The following WDR27 variants were observed in gnomAD, a reference collection of about 807,000 sequenced individuals.
WDR27 encodes WD repeat domain 27, also known as WD repeat-containing protein 27.
WDR27 carries 100 observed loss-of-function variants against 114.4 expected under a neutral mutation model. The observed-to-expected ratio is 0.87, with a 90% CI of 0.74 to 1.03. The LOEUF (loss-of-function observed/expected upper bound fraction) is 1.03. Ranked by LOEUF, WDR27 falls within the 50% of genes least tolerant of loss-of-function variation. The probability of loss-of-function intolerance (pLI) is 0.00; values close to 1 mark genes in which losing one functional copy is unlikely to be tolerated. For synonymous variants in WDR27, 449 were observed against 423.1 expected (o/e 1.06, Z -0.75); for missense variants, 1,129 against 1,092.9 (o/e 1.03, Z -0.47).
chr6:169,681,333 AATAACAAAAAT>A (rs1781476716), intron 2 of WDR27, among the ~76,000 whole-genome samples: 1 of 152,206 alleles, frequency 6.6e-6, no homozygotes, highest in South Asian at 2.1e-4. Flanking sequence ...ATCTCCCGAC[AATAACAAAAAT>A]TCTGCACCCA....
At chr6:169,435,626 C>A in the WDR27 span, among the ~76,000 whole-genome samples, 1 of 152,216 alleles carries the variant, frequency 6.6e-6, no homozygotes, top group Non-Finnish European at 1.5e-5. Context: ...GGGCCTTTAG[C>A]CCCTTTGTTT....
chr6:169,557,459 C>A (rs1799081103), intron 25 of WDR27, among the ~76,000 whole-genome samples: 1 of 152,182 alleles, frequency 6.6e-6, no homozygotes, highest in Non-Finnish European at 1.5e-5. Flanking sequence ...GGACTGGGGC[C>A]TCTGGCTGTT....
At chr6:169,544,866 T>G (rs1318017939) in intron 25 of WDR27, among the ~76,000 whole-genome samples, 1 of 152,226 alleles carries the variant, frequency 6.6e-6, no homozygotes, top group African/African-American at 2.4e-5. Flanking sequence ...CTATAGTATA[T>G]GCATGCTGAC....
At chr6:169,531,455 G>A (rs1245674496) in intron 25 of WDR27, among the ~76,000 whole-genome samples, 1 of 152,150 alleles carries the variant, frequency 6.6e-6, no homozygotes, top group Non-Finnish European at 1.5e-5. Flanking sequence ...CAATTCAGTA[G>A]TAACTTGTCA....
At chr6:169,465,831 G>C (rs1461071519) in intron 25 of WDR27, among the ~76,000 whole-genome samples, 2 of 152,184 alleles carry the variant, frequency 1.3e-5, no homozygotes, top group African/African-American at 4.8e-5. Flanking sequence ...CAAAATCAGA[G>C]ATACAGGAAG....
chr6:169,626,302 G>A (rs1311232899), intron 21 of WDR27, among the ~76,000 whole-genome samples: 2 of 152,200 alleles, frequency 1.3e-5, no homozygotes, highest in Non-Finnish European at 2.9e-5. Context: ...CACACCCACA[G>A]AGGGTGACAG....
At chr6:169,452,783 A>G (rs180730065), downstream of WDR27, among the ~76,000 whole-genome samples, 15 of 152,380 alleles carry the variant, frequency 9.8e-5, no homozygotes, top group East Asian at 2.9e-3. Flanking sequence ...CAAATCTTGC[A>G]TTTCAGAGAG....
chr6:169,598,396 AC>A (rs776742812), intron 23 of WDR27, among the ~76,000 whole-genome samples: 3 of 152,214 alleles, frequency 2.0e-5, no homozygotes, highest in Non-Finnish European at 2.9e-5. Context: ...ATCACACAGC[AC>A]AAGGTGAAAG....
chr6:169,483,652 C>A, intron 25 of WDR27, among the ~76,000 whole-genome samples: 1 of 152,060 alleles, frequency 6.6e-6, no homozygotes. Flanking sequence ...CCAACTCATT[C>A]TATGATGCCA....
At chr6:169,612,143 C>A (rs541399876) in intron 22 of WDR27, among the ~76,000 whole-genome samples, 1 of 150,560 alleles carries the variant, frequency 6.6e-6, no homozygotes, top group East Asian at 2.0e-4. Flanking sequence ...CTCAAAAAAA[C>A]CAAACAGGCT....
chr6:169,672,089 T>C, intron 3 of WDR27, 166 bp downstream of exon 3: 1 of 617,444 alleles, frequency 1.6e-6, no homozygotes, highest in Non-Finnish European at 2.6e-6. Context: ...ATAAAGCGCC[T>C]GCTTGCATGC....
chr6:169,515,895 A>AT (rs1340939145), intron 25 of WDR27, among the ~76,000 whole-genome samples: 3 of 151,700 alleles, frequency 2.0e-5, no homozygotes, highest in Non-Finnish European at 4.4e-5. Context: ...AGAAAAGTGT[A>AT]TTATGCCCCC....
At chr6:169,533,871 A>G (rs937044955) in intron 25 of WDR27, among the ~76,000 whole-genome samples, 4 of 152,178 alleles carry the variant, frequency 2.6e-5, no homozygotes, top group Non-Finnish European at 5.9e-5. Flanking sequence ...GTGTATGCAT[A>G]CATGTGCCTG....
chr6:169,583,077 A>T (rs1379214985), intron 23 of WDR27, 143 bp from the exon 24 acceptor site: 1 of 669,592 alleles, frequency 1.5e-6, no homozygotes, highest in Non-Finnish European at 2.6e-6. Context: ...ACAAAACATC[A>T]TCCAAGCTGG....
At chr6:169,517,800 G>A (rs1236762396) in intron 25 of WDR27, among the ~76,000 whole-genome samples, 1 of 152,100 alleles carries the variant, frequency 6.6e-6, no homozygotes, top group Non-Finnish European at 1.5e-5. Context: ...AGACACCATG[G>A]TTTCTAATGA....
chr6:169,676,270 TGTCCAAATTCCTATCTAA>T (rs1237066570), intron 2 of WDR27, among the ~76,000 whole-genome samples: 1 of 152,192 alleles, frequency 6.6e-6, no homozygotes, highest in African/African-American at 2.4e-5. Context: ...TTTCTTCTCC[TGTCCAAATTCCTATCTAA>T]GGGGCTTAAG....
chr6:169,689,919 C>T (rs1175642457), intron 1 of WDR27, among the ~76,000 whole-genome samples: 1 of 152,222 alleles, frequency 6.6e-6, no homozygotes, highest in Non-Finnish European at 1.5e-5. Flanking sequence ...GGCGCTCATG[C>T]TGGTCATGTG....
At chr6:169,429,297 G>T in the WDR27 span, among the ~76,000 whole-genome samples, 3 of 152,114 alleles carry the variant, frequency 2.0e-5, no homozygotes, top group Non-Finnish European at 2.9e-5. Context: ...CAGCTGCGTG[G>T]GCTCCTGGTT....
chr6:169,517,116 G>A (rs1298738964), intron 25 of WDR27, among the ~76,000 whole-genome samples: 4 of 152,108 alleles, frequency 2.6e-5, no homozygotes, highest in African/African-American at 9.7e-5. Context: ...GCTTGATGCT[G>A]TCTTTGCAAT....
Sources: allele counts gnomAD v4.1 joint callset (sites outside exome capture counted in the v4.1 genomes callset), GRCh38; gene constraint gnomAD v4.1.1; transcripts MANE v1.5; gene names NCBI Gene and HGNC (gene_info 2026-07-23, HGNC 2026-07-21).